Variants in WDR25 observed in about 807,000 individuals in gnomAD.
WDR25 encodes WD repeat-containing protein 25.
In WDR25, 35 loss-of-function variants were observed where a neutral mutation model predicts 47.7. That is an observed-to-expected ratio of 0.73 (90% CI 0.56 to 0.97). The LOEUF (loss-of-function observed/expected upper bound fraction) is 0.97, where lower values mean the gene tolerates loss of function less well. Among genes scored for constraint, WDR25 ranks in the 50% least tolerant of loss-of-function variants. The pLI, the probability that WDR25 is intolerant of heterozygous loss-of-function variation, is 0.00. For synonymous variants in WDR25, 248 were observed against 278.9 expected (o/e 0.89, Z 1.10); for missense variants, 634 against 704.7 (o/e 0.90, Z 1.14).
intron 4 of WDR25, among the ~76,000 whole-genome samples, chr14:100,511,876 T>C (rs1901322161): frequency 6.6e-6 from 1 of 152,212 alleles, no homozygotes. Context: ...GTGTGGTTTT[T>C]TTATTCTGTT....
chr14:100,380,338 G>C (rs1259791769), intron 1 of WDR25, among the ~76,000 whole-genome samples: 2 of 151,842 alleles, frequency 1.3e-5, no homozygotes, highest in East Asian at 3.9e-4. Flanking sequence ...GTGAACCACT[G>C]CACCCAGACT....
chr14:100,389,490 C>T (rs540603434), intron 2 of WDR25, among the ~76,000 whole-genome samples: 2 of 152,196 alleles, frequency 1.3e-5, no homozygotes, highest in African/African-American at 4.8e-5. Flanking sequence ...ATGAACACAG[C>T]TCTCATGCGG....
At chr14:100,413,774 T>G (rs1245082372) in intron 2 of WDR25, among the ~76,000 whole-genome samples, 1 of 152,194 alleles carries the variant, frequency 6.6e-6, no homozygotes. Flanking sequence ...TAGTTTTTCC[T>G]GTTCTAGAAT....
At chr14:100,484,258 C>G in intron 4 of WDR25, 134 bp downstream of exon 4, 2 of 995,798 alleles carry the variant, frequency 2.0e-6, no homozygotes, top group Non-Finnish European at 2.8e-6. Context: ...TTAATCAGTG[C>G]TAAGCATAAT....
intron 2 of WDR25, among the ~76,000 whole-genome samples, chr14:100,412,592 G>A (rs890866469): frequency 1.2e-4 from 19 of 152,112 alleles, no homozygotes; most frequent in African/African-American, 3.4e-4. Flanking sequence ...TTTCTTCAAC[G>A]TCTCTACATG....
intron 3 of WDR25, among the ~76,000 whole-genome samples, chr14:100,472,237 C>G (rs1899864289): frequency 6.6e-6 from 1 of 152,254 alleles, no homozygotes; most frequent in Admixed American, 6.5e-5. Context: ...GAACCCTGTC[C>G]TCCTTCCTGT....
At chr14:100,389,463 T>C (rs1897090196) in intron 2 of WDR25, among the ~76,000 whole-genome samples, 1 of 152,190 alleles carries the variant, frequency 6.6e-6, no homozygotes, top group Non-Finnish European at 1.5e-5. Context: ...GGTGTTTTCT[T>C]TTGTCTATTC....
chr14:100,397,615 A>G (rs1186151344), intron 2 of WDR25, among the ~76,000 whole-genome samples: 6 of 152,324 alleles, frequency 3.9e-5, no homozygotes, highest in Non-Finnish European at 8.8e-5. Flanking sequence ...TCTGGGGCAT[A>G]AAGAACAGCC....
At chr14:100,504,000 C>T (rs1307151714) in intron 4 of WDR25, among the ~76,000 whole-genome samples, 1 of 152,122 alleles carries the variant, frequency 6.6e-6, no homozygotes, top group Admixed American at 6.5e-5. Flanking sequence ...TTTATGCAAC[C>T]AGCATCCTGT....
chr14:100,425,854 G>T lies in WDR25; in HGVS notation c.823-42167G>T, dbSNP rs1294143953. Among the ~76,000 whole-genome samples, 1 of 152,152 alleles carries T rather than the reference G, an allele frequency of 6.6e-6. No individual in the cohort carries two copies. Among genetic ancestry groups the T allele is most frequent in the Non-Finnish European group, 1.5e-5 (1 of 68,038 alleles). On this transcript the variant is annotated intron_variant, in intron 2 of 6. Coordinates refer to ENST00000402312, the MANE Select transcript of WDR25 (RefSeq NM_001161476.3). This position sits in a 1 kb window ranked among gnomAD's most constrained non-coding sequence, Gnocchi z 4.8. Reference sequence around the variant, plus strand: ...GTTTCAGGCACAGATATGCAGCCAGGGAAATCACCTGGGGCAAGCTGACCC... The same window carrying T: ...GTTTCAGGCACAGATATGCAGCCAGTGAAATCACCTGGGGCAAGCTGACCC...
chr14:100,459,894 GTATATATATATATATATATATA>G lies in WDR25; in HGVS notation c.823-8102_823-8081del, dbSNP rs61706956. On this transcript the variant is annotated intron_variant, in intron 2 of 6. Coordinates refer to ENST00000402312, the MANE Select transcript of WDR25 (RefSeq NM_001161476.3). ...TATATATCCGTATATGTGTGTGTGT[GTATATATATATATATATATATA>G]TATATATATATATATATATATATAC... is the stretch of plus-strand genomic sequence containing the variant. Among the ~76,000 whole-genome samples, 756 of 78,296 alleles carry G rather than the reference GTATATATATATATATATATATA, an allele frequency of 9.7e-3. 38 individuals carry two copies. Among genetic ancestry groups the G allele is most frequent in the African/African-American group, 0.031 (665 of 21,274 alleles). 51.4% of individuals were successfully genotyped at this position (78,296 alleles called of 152,430 possible). A position where few individuals can be genotyped will look rare whatever the true frequency, so the allele number is the denominator to read the frequency against.
At chr14:100,470,394 C>G (rs1273073320) in intron 3 of WDR25, among the ~76,000 whole-genome samples, 3 of 152,180 alleles carry the variant, frequency 2.0e-5, no homozygotes, top group Admixed American at 1.3e-4. Context: ...TCGGATTACT[C>G]AAATCAAATT....
At chr14:100,493,048 C>T (rs528002485) in intron 4 of WDR25, among the ~76,000 whole-genome samples, 3 of 152,294 alleles carry the variant, frequency 2.0e-5, no homozygotes, top group African/African-American at 4.8e-5. Context: ...TGGCCTCAAG[C>T]GATTCTCCTG....
At chr14:100,454,485 A>T in intron 2 of WDR25, 1 of 1,264,834 alleles carries the variant, frequency 7.9e-7, no homozygotes, top group African/African-American at 1.5e-5. Flanking sequence ...CTGGCAGACT[A>T]ACCCTCCCAC....
intron 2 of WDR25, among the ~76,000 whole-genome samples, chr14:100,409,640 A>G (rs1250894381): frequency 2.0e-5 from 3 of 152,232 alleles, no homozygotes; most frequent in Non-Finnish European, 4.4e-5. Context: ...ACACTGATGT[A>G]TTAGAACATG....
At chr14:100,437,897 C>T (rs1446398456) in intron 2 of WDR25, among the ~76,000 whole-genome samples, 2 of 152,154 alleles carry the variant, frequency 1.3e-5, no homozygotes, top group Non-Finnish European at 2.9e-5. Flanking sequence ...AGGACTGCAC[C>T]TCCCTCTGTC....
At chr14:100,418,337 G>C (rs1433306978) in intron 2 of WDR25, among the ~76,000 whole-genome samples, 2 of 150,342 alleles carry the variant, frequency 1.3e-5, no homozygotes, top group African/African-American at 2.4e-5. Context: ...TGCAACTATT[G>C]AAAGTGAAAA....
At chr14:100,450,882 C>T (rs1322276538) in intron 2 of WDR25, among the ~76,000 whole-genome samples, 2 of 152,062 alleles carry the variant, frequency 1.3e-5, no homozygotes, top group Non-Finnish European at 2.9e-5. Context: ...GACATGCAAC[C>T]CCAAAAGCAC....
At position 100,525,965 on chromosome 14, in the gene WDR25, C is replaced by T; in HGVS notation, c.1197C>T (p.Thr399=). The change falls in exon 5 of 7, where the codon ACC becomes ACT. Residue 399 remains threonine (T), a synonymous_variant. Transcript: ENST00000402312. The surrounding 1 kb of genome is among the most constrained non-coding windows in gnomAD (Gnocchi z 4.6). The part of the protein sequence containing the change: ...SEFLSSTDAS[T]RDSADRTIIA... Reference sequence around the variant, plus strand: ...TCCTGAGCAGCACAGACGCTTCCACCCGGGACTCAGCTGACCGCACCATTA... The same window carrying T: ...TCCTGAGCAGCACAGACGCTTCCACTCGGGACTCAGCTGACCGCACCATTA... 6.2e-7 allele frequency: 1 copy of T among 1,614,068 alleles called. No individual in the cohort carries two copies. Among genetic ancestry groups the T allele is most frequent in the Non-Finnish European group, 8.5e-7 (1 of 1,179,996 alleles).
Sources: gnomAD v4.1 joint callset for allele counts (sites outside exome capture counted in the v4.1 genomes callset) on GRCh38, gnomAD v4.1.1 for gene constraint, Gnocchi (gnomAD v3.1) non-coding constraint, MANE v1.5 for transcripts, NCBI Gene and HGNC (gene_info 2026-07-23, HGNC 2026-07-21) for gene names.